Variants in ATXN1 observed in about 807,000 individuals in gnomAD.
The protein encoded by ATXN1 is ataxin-1.
A neutral mutation model predicts 56.4 loss-of-function variants in ATXN1; 8 were observed. The ratio of observed to expected loss-of-function variants is 0.14; its 90% confidence interval spans 0.08 to 0.26. ATXN1 has a LOEUF of 0.26. Among genes scored for constraint, ATXN1 ranks in the 10% least tolerant of loss-of-function variants. The pLI is 1.00. For synonymous variants in ATXN1, 514 were observed against 494.6 expected (o/e 1.04, Z -0.52); for missense variants, 987 against 1,106.5 (o/e 0.89, Z 1.53).
chr6:16,534,090 G>C (rs1643544526), intron 4 of ATXN1, among the ~76,000 whole-genome samples: 2 of 152,066 alleles, frequency 1.3e-5, no homozygotes, highest in African/African-American at 4.8e-5. Context: ...ATATGACACT[G>C]ATGACTACCT....
chr6:16,694,807 C>A (rs1759126682), intron 2 of ATXN1, among the ~76,000 whole-genome samples: 1 of 152,190 alleles, frequency 6.6e-6, no homozygotes, highest in Non-Finnish European at 1.5e-5. Flanking sequence ...CTAAATCAAT[C>A]AGCTTGTTCC....
chr6:16,369,172 A>C (rs926661601), intron 6 of ATXN1, among the ~76,000 whole-genome samples: 1 of 152,220 alleles, frequency 6.6e-6, no homozygotes, highest in Non-Finnish European at 1.5e-5. Context: ...TCTATGTTAA[A>C]GTAACTTGAA....
At chr6:16,558,856 A>G (rs928967917) in intron 4 of ATXN1, among the ~76,000 whole-genome samples, 8 of 152,200 alleles carry the variant, frequency 5.3e-5, no homozygotes, top group African/African-American at 1.9e-4. Flanking sequence ...ACAAACGGAA[A>G]AATTTAAACT....
At chr6:16,648,103 T>C (rs1763833202) in intron 3 of ATXN1, among the ~76,000 whole-genome samples, 2 of 151,994 alleles carry the variant, frequency 1.3e-5, no homozygotes. Flanking sequence ...AAATAAAACT[T>C]TGGGATCCAT....
At chr6:16,640,069 T>G (rs982905485) in intron 3 of ATXN1, among the ~76,000 whole-genome samples, 6 of 152,230 alleles carry the variant, frequency 3.9e-5, no homozygotes, top group African/African-American at 1.4e-4. Flanking sequence ...ACTGCATTTT[T>G]TTTTCAAATT....
intron 4 of ATXN1, among the ~76,000 whole-genome samples, chr6:16,577,410 G>T (rs1476455355): frequency 1.3e-5 from 2 of 151,638 alleles, no homozygotes; most frequent in Admixed American, 1.3e-4. Context: ...TGTAGTCCCA[G>T]CTACTTGGGA....
intron 4 of ATXN1, among the ~76,000 whole-genome samples, chr6:16,535,178 A>C (rs141188583): frequency 0.023 from 3,465 of 152,282 alleles, 55 homozygotes; most frequent in Non-Finnish European, 0.036. Context: ...GCACACACCA[A>C]ACTCCCACAA....
chr6:16,598,202 C>T (rs7743620), intron 3 of ATXN1, among the ~76,000 whole-genome samples: 14 of 152,062 alleles, frequency 9.2e-5, no homozygotes, highest in Admixed American at 5.9e-4. Flanking sequence ...ATGAATGATG[C>T]TTTCATGCAT....
At chr6:16,640,091 G>A (rs879920733) in intron 3 of ATXN1, among the ~76,000 whole-genome samples, 5 of 151,894 alleles carry the variant, frequency 3.3e-5, no homozygotes, top group Non-Finnish European at 5.9e-5. Flanking sequence ...AAGTTCTGTG[G>A]CAACCCCGTG....
intron 3 of ATXN1, among the ~76,000 whole-genome samples, chr6:16,636,987 C>T (rs992508074): frequency 2.6e-5 from 4 of 152,162 alleles, no homozygotes; most frequent in African/African-American, 9.7e-5. Flanking sequence ...CCAGCCATCC[C>T]ATTACTGGGG....
chr6:16,569,529 A>G (rs894453787), intron 4 of ATXN1, among the ~76,000 whole-genome samples: 4 of 39,914 alleles, frequency 1.0e-4, no homozygotes, highest in Non-Finnish European at 2.1e-4. Context: ...TCCGTCTCAG[A>G]AAAAAAAAAA....
intron 4 of ATXN1, among the ~76,000 whole-genome samples, chr6:16,583,359 T>G (rs1378852708): frequency 6.6e-6 from 1 of 152,182 alleles, no homozygotes; most frequent in East Asian, 1.9e-4. Flanking sequence ...CCACTTTTCC[T>G]TTCACTTTTC....
At chr6:16,755,248 A>T (rs1385909177) in intron 1 of ATXN1, among the ~76,000 whole-genome samples, 1 of 152,240 alleles carries the variant, frequency 6.6e-6, no homozygotes, top group African/African-American at 2.4e-5. Context: ...TTGCTGCACT[A>T]GTTAGGATAA....
intron 6 of ATXN1, among the ~76,000 whole-genome samples, chr6:16,475,083 T>A (rs933166193): frequency 1.3e-5 from 2 of 152,212 alleles, no homozygotes; most frequent in African/African-American, 4.8e-5. Context: ...CTACTCCTTT[T>A]ATAGATGAGA....
chr6:16,582,626 T>C (rs914369762), intron 4 of ATXN1, among the ~76,000 whole-genome samples: 2 of 152,212 alleles, frequency 1.3e-5, no homozygotes, highest in Non-Finnish European at 2.9e-5. Flanking sequence ...GGCAACCATG[T>C]GCAGTATATG....
intron 3 of ATXN1, among the ~76,000 whole-genome samples, chr6:16,626,332 C>A (rs1008678855): frequency 6.6e-6 from 1 of 152,190 alleles, no homozygotes. Flanking sequence ...GTTGCCCAGG[C>A]TGGAGTGCAG....
At chr6:16,472,174 A>C (rs1369431477) in intron 6 of ATXN1, among the ~76,000 whole-genome samples, 1 of 151,984 alleles carries the variant, frequency 6.6e-6, no homozygotes, top group African/African-American at 2.4e-5. Flanking sequence ...CTGCGTCTTC[A>C]CCCCACTTCC....
At chr6:16,331,006 G>C (rs187241398) in intron 6 of ATXN1, among the ~76,000 whole-genome samples, 1 of 152,094 alleles carries the variant, frequency 6.6e-6, no homozygotes, top group Admixed American at 6.5e-5. Context: ...CGCAACCCAG[G>C]TGTTTTTTTT....
intron 6 of ATXN1, among the ~76,000 whole-genome samples, chr6:16,402,420 T>C (rs960192853): frequency 8.2e-6 from 1 of 121,800 alleles, no homozygotes; most frequent in Non-Finnish European, 1.7e-5. Context: ...GGCCAGAGGA[T>C]TTTATGGTTT....
Sources: allele counts gnomAD v4.1 joint callset (sites outside exome capture counted in the v4.1 genomes callset), GRCh38; gene constraint gnomAD v4.1.1; transcripts MANE v1.5; gene names NCBI Gene and HGNC (gene_info 2026-07-23, HGNC 2026-07-21).